Variants in VAV3 observed in about 807,000 individuals in gnomAD.
The protein encoded by VAV3 is guanine nucleotide exchange factor VAV3.
In VAV3, 94 loss-of-function variants were observed where a neutral mutation model predicts 131.2. The ratio of observed to expected loss-of-function variants is 0.72; its 90% CI spans 0.61 to 0.85. The LOEUF (loss-of-function observed/expected upper bound fraction) is 0.85, where lower values mean the gene tolerates loss of function less well. VAV3 is among the 40% of genes least tolerant of loss of function. VAV3 has a pLI of 0.00. For synonymous variants in VAV3, 349 were observed against 342.0 expected, an observed-to-expected ratio of 1.02 and a Z score of -0.22; for missense variants, 939 against 1,002.7, an observed-to-expected ratio of 0.94 and a Z score of 0.86.
At chr1:107,849,995 G>C (rs554915734) in intron 2 of VAV3, among the ~76,000 whole-genome samples, 1 of 152,204 alleles carries the variant, frequency 6.6e-6, no homozygotes, top group Non-Finnish European at 1.5e-5. Flanking sequence ...CTGGTCATTA[G>C]AGAAATTCAG....
chr1:107,868,245 A>AT (rs1670093633), intron 2 of VAV3, among the ~76,000 whole-genome samples: 1 of 152,192 alleles, frequency 6.6e-6, no homozygotes, highest in African/African-American at 2.4e-5. Context: ...AACGTGTTTT[A>AT]TGTCAAACAA....
At chr1:107,603,250 T>C in intron 22 of VAV3, 87 bp from the exon 23 acceptor site, 3 of 950,762 alleles carry the variant, frequency 3.2e-6, no homozygotes, top group Middle Eastern at 2.1e-4. Flanking sequence ...ATATTTAATT[T>C]AGTGGCAGAT....
chr1:107,596,412 A>C, intron 24 of VAV3, 71 bp from the exon 25 acceptor site: 1 of 1,536,332 alleles, frequency 6.5e-7, no homozygotes, highest in Non-Finnish European at 8.9e-7. Flanking sequence ...ACTCCTGAGC[A>C]CATAAATACA....
chr1:107,607,484 C>T (rs916200230), intron 22 of VAV3, among the ~76,000 whole-genome samples: 2 of 152,132 alleles, frequency 1.3e-5, no homozygotes, highest in Non-Finnish European at 2.9e-5. Context: ...CCTCTGTTTT[C>T]ACTATGGCAT....
At chr1:107,799,650 T>C (rs1027831574) in intron 2 of VAV3, among the ~76,000 whole-genome samples, 2 of 152,188 alleles carry the variant, frequency 1.3e-5, no homozygotes, top group African/African-American at 4.8e-5. Flanking sequence ...ATCAGGGCAA[T>C]TGGCATATAC....
chr1:107,593,815 A>T (rs1651158248), intron 25 of VAV3, among the ~76,000 whole-genome samples: 1 of 152,140 alleles, frequency 6.6e-6, no homozygotes, highest in Non-Finnish European at 1.5e-5. Flanking sequence ...AGTCATAATT[A>T]GTAAATGTAT....
At chr1:107,801,805 A>G (rs1346786373) in intron 2 of VAV3, among the ~76,000 whole-genome samples, 1 of 152,182 alleles carries the variant, frequency 6.6e-6, no homozygotes, top group Non-Finnish European at 1.5e-5. Context: ...TTGCTCAACT[A>G]AACTCATTTA....
intron 15 of VAV3, among the ~76,000 whole-genome samples, chr1:107,717,748 T>C (rs543329690): frequency 1.1e-4 from 16 of 152,320 alleles, no homozygotes; most frequent in African/African-American, 3.6e-4. Flanking sequence ...TAGATGTCTA[T>C]TAGGTCGGCT....
intron 15 of VAV3, among the ~76,000 whole-genome samples, chr1:107,747,816 T>C (rs565169220): frequency 6.6e-6 from 1 of 152,320 alleles, no homozygotes; most frequent in East Asian, 1.9e-4. Flanking sequence ...ATTTTGGCTA[T>C]ATAATCCTGT....
At chr1:107,830,982 A>G (rs879876403) in intron 2 of VAV3, among the ~76,000 whole-genome samples, 5 of 152,256 alleles carry the variant, frequency 3.3e-5, no homozygotes, top group African/African-American at 9.6e-5. Flanking sequence ...TTCACTCACT[A>G]TAAGTAAAGC....
intron 19 of VAV3, among the ~76,000 whole-genome samples, chr1:107,683,105 G>T (rs1290665240): frequency 6.6e-6 from 1 of 152,196 alleles, no homozygotes; most frequent in Non-Finnish European, 1.5e-5. Flanking sequence ...GGTACCAGTT[G>T]TCTGGTTTAT....
At chr1:107,921,243 C>T (rs1372525694) in intron 1 of VAV3, among the ~76,000 whole-genome samples, 2 of 152,220 alleles carry the variant, frequency 1.3e-5, no homozygotes, top group Non-Finnish European at 2.9e-5. Flanking sequence ...TCCTCTGGGC[C>T]TTCACTCTCG....
chr1:107,678,717 TA>T (rs1317772874), intron 19 of VAV3, among the ~76,000 whole-genome samples: 1 of 152,020 alleles, frequency 6.6e-6, no homozygotes, highest in East Asian at 1.9e-4. Flanking sequence ...TAAACCAGTA[TA>T]AAAATTTTTA....
intron 19 of VAV3, among the ~76,000 whole-genome samples, chr1:107,675,800 C>T (rs772377580): frequency 2.6e-5 from 4 of 152,176 alleles, no homozygotes; most frequent in Non-Finnish European, 5.9e-5. Flanking sequence ...AAAGGATGAT[C>T]ACTGTCTAAA....
chr1:107,777,261 T>C lies in VAV3; in HGVS notation c.416A>G (p.Asp139Gly). ...TAAATCAGGAAGGCCTTTGTAGATG[T>C]CTTCATCATTAATGCTTTCTTCTGT... ...FPTEESINDEDIYKGLPDLID... is the reference protein window; with the variant it reads ...FPTEESINDEGIYKGLPDLID... Residue 139 changes from aspartate (D) to glycine (G), a missense_variant, in exon 4 of 27, where the codon GAC (aspartate) becomes GGC (glycine). Transcript: ENST00000370056. 1 of 1,614,148 alleles carries C rather than the reference T, an allele frequency of 6.2e-7. No homozygotes were observed. The highest frequency in any genetic ancestry group is 8.5e-7 in the Non-Finnish European group (1 of 1,180,016).
chr1:107,602,965 C>T, intron 23 of VAV3, 82 bp downstream of exon 23: 1 of 1,108,254 alleles, frequency 9.0e-7, no homozygotes, highest in Non-Finnish European at 1.3e-6. Context: ...TGGTTTTCAC[C>T]TTCAGTGTTA....
intron 1 of VAV3, 60 bp from the exon 2 acceptor site, chr1:107,875,077 C>G (rs1164684639): frequency 7.2e-7 from 1 of 1,384,814 alleles, no homozygotes; most frequent in Non-Finnish European, 1.0e-6. Context: ...TATCCACCCT[C>G]TGTAACACTC....
At chr1:107,745,506 A>G (rs562320845) in intron 15 of VAV3, among the ~76,000 whole-genome samples, 133 of 152,262 alleles carry the variant, frequency 8.7e-4, no homozygotes, top group African/African-American at 3.0e-3. Context: ...CATATTTTAA[A>G]TGCTGGAAGT....
chr1:107,820,367 A>G (rs1238178780), intron 2 of VAV3, among the ~76,000 whole-genome samples: 1 of 152,200 alleles, frequency 6.6e-6, no homozygotes, highest in African/African-American at 2.4e-5. Flanking sequence ...GCACAGAAAG[A>G]CAAACTTCAC....
Sources: allele counts gnomAD v4.1 joint callset (sites outside exome capture counted in the v4.1 genomes callset), GRCh38; gene constraint gnomAD v4.1.1; transcripts MANE v1.5; gene names NCBI Gene and HGNC (gene_info 2026-07-23, HGNC 2026-07-21).